Variants in KIF14 observed in about 807,000 individuals in gnomAD.
KIF14 encodes the protein kinesin-like protein KIF14.
Under a neutral mutation model 176.2 loss-of-function variants are expected in KIF14, and 98 were observed. The ratio of observed to expected loss-of-function variants is 0.56; its 90% CI spans 0.47 to 0.66. The LOEUF (loss-of-function observed/expected upper bound fraction) is 0.66, where lower values mean the gene tolerates loss of function less well. Among genes scored for constraint, KIF14 ranks in the 30% least tolerant of loss-of-function variants. The probability of loss-of-function intolerance (pLI) is 0.00; values close to 1 mark genes in which losing one functional copy is unlikely to be tolerated. For missense variants in KIF14, 1,751 were observed against 1,920.4 expected (o/e 0.91, Z 1.65); for synonymous variants, 566 against 632.2 (o/e 0.90, Z 1.57).
intron 17 of KIF14, 127 bp downstream of exon 17, chr1:200,589,996 CTG>C (rs1216776759): frequency 4.2e-6 from 4 of 945,012 alleles, no homozygotes; most frequent in Non-Finnish European, 4.7e-6. Flanking sequence ...CCAAGACTCA[CTG>C]TGGCTTTGAT....
At position 200,562,782 on chromosome 1, in the gene KIF14, C is replaced by T. The variant is rs118080971; in HGVS notation, c.4072-1902G>A. 5.7e-4 allele frequency among the ~76,000 whole-genome samples: 86 copies of T among 152,116 alleles called. No homozygotes were observed. The East Asian group carries it at 0.014, about 25-fold the overall frequency. On this transcript the variant is annotated intron_variant, in intron 25 of 29. Transcript: ENST00000367350. ...ACACCTGTTTGCAGTCCACCCACCC[C>T]GCCACCCCTTGTTTTAGTCATCCTA...
chr1:200,559,581 T>G (rs1175226087), intron 26 of KIF14, 129 bp from the exon 27 acceptor site: 1 of 432,752 alleles, frequency 2.3e-6, no homozygotes, highest in Non-Finnish European at 3.9e-6. Flanking sequence ...TTTAGGACTA[T>G]AATACATCCC....
chr1:200,579,084 C>T (rs1377811445), intron 21 of KIF14, among the ~76,000 whole-genome samples: 3 of 151,480 alleles, frequency 2.0e-5, no homozygotes, highest in Non-Finnish European at 2.9e-5. Flanking sequence ...AGTGAGATTC[C>T]GTCTCAAAAA....
In KIF14 at chr1:200,618,363, A is replaced by G; in HGVS notation, c.361T>C (p.Leu121=). The G allele has an allele frequency of 1.2e-6, 2 of 1,614,104 alleles. No homozygotes were observed. The highest frequency in any genetic ancestry group is 1.1e-5 in the South Asian group (1 of 91,080). ...GAATCTGTTTTAGCACGACGTTGTA[A>G]TGTAAGACGTGTTTCTGCTGTTTTT... ...TEKTAETRLT[L]QRRAKTDSAE... Residue 121 remains leucine, a synonymous_variant, in exon 2 of 30, where the codon TTA becomes CTA. Transcript: ENST00000367350.
intron 10 of KIF14, among the ~76,000 whole-genome samples, chr1:200,602,290 CAG>C (rs1265527506): frequency 6.6e-6 from 1 of 152,104 alleles, no homozygotes. Context: ...ATAATCTGTG[CAG>C]AGATTCTAAA....
intron 14 of KIF14, among the ~76,000 whole-genome samples, chr1:200,597,265 A>G (rs576849113): frequency 1.3e-5 from 2 of 152,298 alleles, no homozygotes; most frequent in South Asian, 2.1e-4. Flanking sequence ...AAGAACTTCA[A>G]TCAATCAAAG....
Position 200,600,340 on chromosome 1 carries a change from A to G in KIF14, c.2300+16T>C, listed in dbSNP as rs1659562238. 6.2e-7 allele frequency: 1 copy of G among 1,610,478 alleles called. No homozygotes were observed. The highest frequency in any genetic ancestry group is 1.3e-5 in the African/African-American group (1 of 74,844). On this transcript the variant is annotated intron_variant, in intron 12 of 29. Coordinates refer to ENST00000367350, the MANE Select transcript of KIF14 (RefSeq NM_014875.3). Reference sequence around the variant, plus strand: ...GAGCAACACACTTAACATTTAGAGTACTGACTGTACTCTACCTTTGCATTT... The same window carrying G: ...GAGCAACACACTTAACATTTAGAGTGCTGACTGTACTCTACCTTTGCATTT...
intron 23 of KIF14, among the ~76,000 whole-genome samples, chr1:200,568,464 C>A (rs559590842): frequency 2.0e-5 from 3 of 152,110 alleles, no homozygotes; most frequent in African/African-American, 7.2e-5. Context: ...AGATATAATA[C>A]CTTTTATGGC....
In KIF14 at chr1:200,618,082, G is replaced by A; in HGVS notation, c.642C>T (p.Tyr214=). 6.2e-7 allele frequency: 1 copy of A among 1,614,104 alleles called. No homozygotes were observed. The highest frequency in any genetic ancestry group is 8.5e-7 in the Non-Finnish European group (1 of 1,180,014). The change falls in exon 2 of 30, where the codon TAC becomes TAT. Residue 214 remains tyrosine, a synonymous_variant. Transcript: ENST00000367350. ...SRANENVALK[Y]SSNRPPIASL... ...AAGCAATGGGTGGTCTATTACTTGA[G>A]TACTTAAGTGCAACATTTTCATTTG...
At chr1:200,553,808 A>G in intron 29 of KIF14, 41 bp from the exon 30 acceptor site, 1 of 1,522,590 alleles carries the variant, frequency 6.6e-7, no homozygotes, top group Non-Finnish European at 8.8e-7. Context: ...TAGCCTTTTC[A>G]GTTTTCATCA....
intron 16 of KIF14, 63 bp from the exon 17 acceptor site, chr1:200,590,335 C>A: frequency 7.4e-7 from 1 of 1,349,292 alleles, no homozygotes. Flanking sequence ...CATAATAGTT[C>A]TTAATCCTAC....
At chr1:200,585,469 T>C (rs527421718) in intron 19 of KIF14, among the ~76,000 whole-genome samples, 9 of 152,276 alleles carry the variant, frequency 5.9e-5, no homozygotes, top group Non-Finnish European at 1.2e-4. Context: ...TTAACAGATA[T>C]AAAACAAAGA....
At chr1:200,601,008 G>A (rs2809356) in intron 11 of KIF14, among the ~76,000 whole-genome samples, 56,072 of 151,840 alleles carry the variant, frequency 0.37, 10,906 homozygotes, top group African/African-American at 0.47. Flanking sequence ...TCAGCTTCCC[G>A]AGTAGCCAGG....
intron 23 of KIF14, among the ~76,000 whole-genome samples, chr1:200,567,680 G>A (rs1657546900): frequency 6.6e-6 from 1 of 152,032 alleles, no homozygotes; most frequent in Non-Finnish European, 1.5e-5. Context: ...CTTTATCCTG[G>A]AGTCCTAATA....
At position 200,575,016 on chromosome 1, in the gene KIF14, G is replaced by C. The variant is rs563909653; in HGVS notation, c.3566+575C>G. Among the ~76,000 whole-genome samples, 179 of 146,482 alleles carry C rather than the reference G, an allele frequency of 1.2e-3. 2 individuals are homozygous for C. Among genetic ancestry groups the C allele is most frequent in the African/African-American group, 4.4e-3 (175 of 39,902 alleles). On this transcript the variant is annotated intron_variant, in intron 22 of 29. Coordinates refer to ENST00000367350, the MANE Select transcript of KIF14 (RefSeq NM_014875.3). ...GGAGTGCAGCGGCTGGAGTGCAGTG[G>C]AGCGATCTCAGCTCACTGCAAGTTT...
At position 200,581,248 on chromosome 1, in the gene KIF14, T is replaced by A; in HGVS notation, c.3288A>T (p.Glu1096Asp). Residue 1096 changes from glutamate to aspartate, a missense_variant, in exon 20 of 30, where the codon GAA becomes GAT. Transcript: ENST00000367350. ...SSMKLSMMIQEANAISSKLKT... is the reference protein window; with the variant it reads ...SSMKLSMMIQDANAISSKLKT... ...TCAATTTGCTGCTGATAGCATTGGC[T>A]TCCTGAATCATCATTGAGAGTTTCA... is the stretch of plus-strand genomic sequence containing the variant. 1.2e-6 allele frequency: 2 copies of A among 1,605,554 alleles called. No homozygotes were observed. The highest frequency in any genetic ancestry group is 1.7e-6 in the Non-Finnish European group (2 of 1,176,614).
At chr1:200,584,149 C>A (rs570181017) in intron 19 of KIF14, among the ~76,000 whole-genome samples, 108 of 143,174 alleles carry the variant, frequency 7.5e-4, no homozygotes, top group Non-Finnish European at 1.3e-3. Context: ...ACCCGGGAGG[C>A]GGAGGTTGCA....
intron 23 of KIF14, among the ~76,000 whole-genome samples, chr1:200,569,311 A>C (rs1225760876): frequency 6.6e-6 from 1 of 150,582 alleles, no homozygotes; most frequent in Non-Finnish European, 1.5e-5. Flanking sequence ...TACATTTTAA[A>C]ATAACATTAT....
At position 200,586,160 on chromosome 1, in the gene KIF14, A is replaced by C; in HGVS notation, c.3182T>G (p.Ile1061Ser). 6.2e-7 allele frequency: 1 copy of C among 1,601,992 alleles called. No homozygotes were observed. The highest frequency in any genetic ancestry group is 8.5e-7 in the Non-Finnish European group (1 of 1,172,214). ...LEALETEKQK[I>S]AKEVQILQQN... The stretch of plus-strand genomic sequence containing the variant: ...CTGTAGAATTTGTACTTCTTTAGCA[A>C]TTTTTTGCTTTTCAGTTTCTAAAGC... The change falls in exon 19 of 30, where the codon ATT becomes AGT. Residue 1061 changes from isoleucine (I) to serine (S), a missense_variant. Ile to Ser is a moderately radical substitution (Grantham distance 142, BLOSUM62 -2). Transcript: ENST00000367350.
Sources: gnomAD v4.1 joint callset for allele counts (sites outside exome capture counted in the v4.1 genomes callset) on GRCh38, gnomAD v4.1.1 for gene constraint, MANE v1.5 for transcripts, NCBI Gene and HGNC (gene_info 2026-07-23, HGNC 2026-07-21) for gene names.